BRINP1: variants seen among roughly 807,000 people sequenced by gnomAD.
The protein encoded by BRINP1 is BMP/retinoic acid-inducible neural-specific protein 1.
BRINP1 carries 17 observed loss-of-function variants against 72.9 expected under a neutral mutation model. The ratio of observed to expected loss-of-function variants is 0.23; its 90% CI spans 0.16 to 0.35. BRINP1 has a LOEUF of 0.35. Among genes scored for constraint, BRINP1 ranks in the 10% least tolerant of loss-of-function variants. The pLI is 1.00. For synonymous variants in BRINP1, 418 were observed against 378.5 expected (o/e 1.10, Z -1.21); for missense variants, 850 against 1,001.6 (o/e 0.85, Z 2.04).
At chr9:119,344,011 C>G (rs140161517) in intron 1 of BRINP1, among the ~76,000 whole-genome samples, 95 of 152,324 alleles carry the variant, frequency 6.2e-4, no homozygotes, top group African/African-American at 2.2e-3. Context: ...CTTTTAGTTG[C>G]TCCTTCCTCC....
intron 7 of BRINP1, among the ~76,000 whole-genome samples, chr9:119,192,590 G>C (rs1412952491): frequency 2.0e-5 from 3 of 151,990 alleles, no homozygotes; most frequent in African/African-American, 7.2e-5. Context: ...AAAAAGACAA[G>C]AGATAGCAAA....
At chr9:119,303,412 T>A (rs1830961798) in intron 2 of BRINP1, among the ~76,000 whole-genome samples, 1 of 151,660 alleles carries the variant, frequency 6.6e-6, no homozygotes, top group Admixed American at 6.6e-5. Context: ...GCATTACACA[T>A]CAAAGACAAC....
In BRINP1 at chr9:119,242,227, A is replaced by G. The variant is rs778027232; in HGVS notation, c.410-11T>C. On this transcript the variant is annotated splice_polypyrimidine_tract_variant and intron_variant, in intron 3 of 7. Coordinates refer to ENST00000265922, the MANE Select transcript of BRINP1 (RefSeq NM_014618.3). ...TCAAAGCCTCCTCCCCTGGATGGGA[A>G]AGAAAAGTAGATAAGAAGGTTTGTG... The G allele has an allele frequency of 1.9e-6, 3 of 1,612,902 alleles. No individual in the cohort carries two copies. The highest frequency in any genetic ancestry group is 1.7e-5 in the Admixed American group (1 of 59,852).
intron 2 of BRINP1, among the ~76,000 whole-genome samples, chr9:119,252,591 C>T (rs193242141): frequency 7.9e-5 from 12 of 151,504 alleles, no homozygotes; most frequent in African/African-American, 2.9e-4. Flanking sequence ...TTATTCATAA[C>T]TTACTGTCTT....
At chr9:119,308,307 G>T (rs1390001760) in intron 2 of BRINP1, among the ~76,000 whole-genome samples, 1 of 152,158 alleles carries the variant, frequency 6.6e-6, no homozygotes, top group Non-Finnish European at 1.5e-5. Flanking sequence ...ATGATATCAA[G>T]ATTATACCTG....
At chr9:119,193,464 AG>A (rs1287758638) in intron 7 of BRINP1, among the ~76,000 whole-genome samples, 1 of 152,162 alleles carries the variant, frequency 6.6e-6, no homozygotes, top group Non-Finnish European at 1.5e-5. Flanking sequence ...TGTAGGTCAA[AG>A]GATACAAAAT....
intron 3 of BRINP1, among the ~76,000 whole-genome samples, chr9:119,245,942 A>G (rs974072247): frequency 6.6e-6 from 1 of 152,224 alleles, no homozygotes; most frequent in African/African-American, 2.4e-5. Context: ...AGTGAGTAGC[A>G]GAATTGGGCC....
At chr9:119,347,221 C>T (rs1027572721) in intron 1 of BRINP1, among the ~76,000 whole-genome samples, 1 of 152,122 alleles carries the variant, frequency 6.6e-6, no homozygotes, top group Non-Finnish European at 1.5e-5. Flanking sequence ...CCTTTACTAG[C>T]TCCTTCTCCA....
At chr9:119,328,071 C>T (rs141328959) in intron 1 of BRINP1, among the ~76,000 whole-genome samples, 2 of 152,030 alleles carry the variant, frequency 1.3e-5, no homozygotes, top group East Asian at 3.9e-4. Flanking sequence ...TTTTAGTCAG[C>T]ATGAAGAGGA....
intron 1 of BRINP1, among the ~76,000 whole-genome samples, chr9:119,344,282 A>T (rs967547723): frequency 2.8e-4 from 42 of 152,364 alleles, no homozygotes; most frequent in African/African-American, 9.6e-4. Flanking sequence ...GTAAATGCTC[A>T]ATAAATATAC....
intron 7 of BRINP1, among the ~76,000 whole-genome samples, chr9:119,199,799 T>TA (rs1829785241): frequency 2.0e-5 from 1 of 50,390 alleles, no homozygotes; most frequent in Non-Finnish European, 3.8e-5. Context: ...TTCTTGTTCT[T>TA]CTTTTTTTTT....
At chr9:119,356,150 C>G (rs1268568342) in intron 1 of BRINP1, among the ~76,000 whole-genome samples, 1 of 152,088 alleles carries the variant, frequency 6.6e-6, no homozygotes, top group African/African-American at 2.4e-5. Context: ...AGTCCCATCT[C>G]AAAAATGTTA....
chr9:119,279,368 G>A (rs867757072), intron 2 of BRINP1, among the ~76,000 whole-genome samples: 7 of 152,190 alleles, frequency 4.6e-5, no homozygotes, highest in Non-Finnish European at 7.3e-5. Flanking sequence ...GCCCACGCAC[G>A]GTTCCCCTGT....
At chr9:119,267,637 A>AATAAATAG (rs200006375) in intron 2 of BRINP1, among the ~76,000 whole-genome samples, 1 of 17,244 alleles carries the variant, frequency 5.8e-5, no homozygotes, top group East Asian at 2.1e-3. Flanking sequence ...ACTCCATCTC[A>AATAAATAG]ATAAATAAAT....
rs749309953 is a variant in BRINP1 at position 119,208,698 on chromosome 9, G to A, written c.1145+21C>T. On this transcript the variant is annotated intron_variant, in intron 7 of 7. Coordinates refer to ENST00000265922, the MANE Select transcript of BRINP1 (RefSeq NM_014618.3). The stretch of plus-strand genomic sequence containing the variant: ...ACGCCAGGTAGGTGCCTGCAGAGGT[G>A]GAGGTGGTGGCAACACTTACCTCTC... 3.7e-5 allele frequency: 59 copies of A among 1,604,766 alleles called. No individual in the cohort carries two copies. The Admixed American group carries it at 9.7e-4, about 26-fold the overall frequency.
intron 5 of BRINP1, among the ~76,000 whole-genome samples, chr9:119,233,029 T>TC (rs1232546506): frequency 6.6e-6 from 1 of 151,862 alleles, no homozygotes; most frequent in East Asian, 1.9e-4. Flanking sequence ...TTTCTTTTTT[T>TC]TTTTCTATTT....
In BRINP1 at chr9:119,254,956, T is replaced by C. The variant is rs190953338; in HGVS notation, c.219-5806A>G. 5.9e-5 allele frequency among the ~76,000 whole-genome samples: 9 copies of C among 152,250 alleles called. No individual in the cohort carries two copies. The South Asian group carries it at 8.3e-4, about 14-fold the overall frequency. ...CTAATACCATCCACTGATGGGAAAA[T>C]TGAATGTCAAAAAGATTGAGTTATT... On this transcript the variant is annotated intron_variant, in intron 2 of 7. Transcript: ENST00000265922.
chr9:119,227,074 A>G (rs10984450), intron 5 of BRINP1, among the ~76,000 whole-genome samples: 27,360 of 151,954 alleles, frequency 0.18, 2,946 homozygotes, highest in Non-Finnish European at 0.25. Flanking sequence ...GGCACATGAT[A>G]ATTATTCACA....
At chr9:119,199,055 A>G (rs144484972) in intron 7 of BRINP1, among the ~76,000 whole-genome samples, 2 of 152,354 alleles carry the variant, frequency 1.3e-5, no homozygotes, top group African/African-American at 4.8e-5. Context: ...TGACTAGGAC[A>G]TCAACTCTGT....
Sources: gnomAD v4.1 joint callset for allele counts (sites outside exome capture counted in the v4.1 genomes callset) on GRCh38, gnomAD v4.1.1 for gene constraint, MANE v1.5 for transcripts, NCBI Gene and HGNC (gene_info 2026-07-23, HGNC 2026-07-21) for gene names.